Variants in CHIC1 observed in about 807,000 individuals in gnomAD.
CHIC1 encodes the protein cysteine rich hydrophobic domain 1, also known as cysteine-rich hydrophobic domain-containing protein 1.
A neutral mutation model predicts 18.5 loss-of-function variants in CHIC1; 7 were observed. The ratio of observed to expected loss-of-function variants is 0.38; its 90% CI spans 0.22 to 0.71. The LOEUF (loss-of-function observed/expected upper bound fraction) is 0.71. Among genes scored for constraint, CHIC1 ranks in the 30% least tolerant of loss-of-function variants. The probability of loss-of-function intolerance (pLI) is 0.49; values close to 1 mark genes in which losing one functional copy is unlikely to be tolerated. For missense variants in CHIC1, 159 were observed against 176.9 expected, an observed-to-expected ratio of 0.90 and a Z score of 0.57; for synonymous variants, 77 against 73.5, an observed-to-expected ratio of 1.05 and a Z score of -0.25.
chrX:73,589,933 C>T (rs776678213), intron 3 of CHIC1, among the ~76,000 whole-genome samples: 15 of 111,538 alleles, frequency 1.3e-4, no homozygotes, highest in Admixed American at 5.7e-4. Flanking sequence ...TGCCATCCCA[C>T]TGCCTCTGAC....
intron 3 of CHIC1, among the ~76,000 whole-genome samples, chrX:73,607,518 C>T (rs2057688600): frequency 9.3e-6 from 1 of 107,676 alleles, no homozygotes; most frequent in Admixed American, 9.8e-5. Context: ...ATTCCAGGAG[C>T]CACTGGGGTA....
chrX:73,678,030 C>G (rs190133816), intron 3 of CHIC1, among the ~76,000 whole-genome samples: 26 of 102,671 alleles, frequency 2.5e-4, no homozygotes, highest in African/African-American at 7.6e-4. Context: ...ATATCCACAT[C>G]TGCTATAATT....
In CHIC1 at chrX:73,573,227, C is replaced by T. The variant is rs192889602; in HGVS notation, c.297-4180C>T. Among the ~76,000 whole-genome samples the T allele has an allele frequency of 5.0e-4, 55 of 111,052 alleles. No individual in the cohort carries two copies. The East Asian group carries it at 1.0e-2, about 20-fold the overall frequency. ...GCCCTTCTCCATTACTCAGATTTGT[C>T]AGTTTTGTCAAAGATCAGATGGTAG... On this transcript the variant is annotated intron_variant, in intron 1 of 5. Coordinates refer to ENST00000373502, the MANE Select transcript of CHIC1 (RefSeq NM_001039840.4).
At chrX:73,644,292 C>A (rs1384400754) in intron 3 of CHIC1, among the ~76,000 whole-genome samples, 1 of 112,244 alleles carries the variant, frequency 8.9e-6, no homozygotes, top group Non-Finnish European at 1.9e-5. Context: ...CAGTCTGCCC[C>A]TACTGGGGGG....
chrX:73,675,422 G>C (rs1445416171), intron 3 of CHIC1, among the ~76,000 whole-genome samples: 1 of 111,640 alleles, frequency 9.0e-6, no homozygotes, highest in Non-Finnish European at 1.9e-5. Flanking sequence ...CTCCTGTATT[G>C]GATGCATATA....
intron 3 of CHIC1, among the ~76,000 whole-genome samples, chrX:73,641,359 A>C (rs12116323): frequency 0.048 from 5,234 of 109,995 alleles, 321 homozygotes; most frequent in African/African-American, 0.16. Flanking sequence ...TCCATTTGGT[A>C]ATGTTGAGTT....
chrX:73,656,249 T>C (rs1207185279), intron 3 of CHIC1, among the ~76,000 whole-genome samples: 1 of 111,793 alleles, frequency 8.9e-6, no homozygotes, highest in African/African-American at 3.3e-5. Flanking sequence ...ATTCTGTAGA[T>C]TTTTTGTTCA....
intron 3 of CHIC1, among the ~76,000 whole-genome samples, chrX:73,675,773 T>A (rs1042542016): frequency 7.6e-4 from 84 of 111,043 alleles, no homozygotes; most frequent in African/African-American, 2.7e-3. Context: ...ATCCTGTCGT[T>A]ATGATGTTAG....
In CHIC1 at chrX:73,658,957, A is replaced by G. The variant is rs1306589939; in HGVS notation, c.508-20369A>G. On this transcript the variant is annotated intron_variant, in intron 3 of 5. Transcript: ENST00000373502. Reference sequence around the variant, plus strand: ...AGGTTTTTTGCCTGGCCGTGTGGCTAGGGGACCAGGCCACCCACAGACACT... The same window carrying G: ...AGGTTTTTTGCCTGGCCGTGTGGCTGGGGGACCAGGCCACCCACAGACACT... Among the ~76,000 whole-genome samples the G allele has an allele frequency of 1.8e-4, 20 of 112,030 alleles. No individual in the cohort carries two copies. In the East Asian group the frequency reaches 5.6e-3, roughly 32 times the overall value.
chrX:73,606,816 GA>G (rs1033610959), intron 3 of CHIC1, among the ~76,000 whole-genome samples: 2 of 109,177 alleles, frequency 1.8e-5, no homozygotes, highest in African/African-American at 3.6e-5. Flanking sequence ...GGAGGCTGCA[GA>G]ATAGCAAAGA....
At chrX:73,630,867 C>T (rs1281163239) in intron 3 of CHIC1, among the ~76,000 whole-genome samples, 1 of 111,860 alleles carries the variant, frequency 8.9e-6, no homozygotes, top group Non-Finnish European at 1.9e-5. Context: ...CCATCTGATC[C>T]TGTGCTTTTC....
At chrX:73,634,875 C>T (rs1168203226) in intron 3 of CHIC1, among the ~76,000 whole-genome samples, 1 of 111,219 alleles carries the variant, frequency 9.0e-6, no homozygotes, top group Non-Finnish European at 1.9e-5. Context: ...TGGCATCAAG[C>T]TGTGCCATCT....
In CHIC1 at chrX:73,584,548, G is replaced by T. The variant is rs1424605397; in HGVS notation, c.483G>T (p.Trp161Cys). The change falls in exon 3 of 6, where the codon TGG (tryptophan) becomes TGT (cysteine). Residue 161 changes from tryptophan (W) to cysteine (C), a missense_variant. Physicochemically the swap from Trp to Cys is radical, Grantham distance 215. Coordinates refer to ENST00000373502, the MANE Select transcript of CHIC1 (RefSeq NM_001039840.4). ...CCCCTLGCSL[W>C]PVICLNKRTR... ...GTTGCACACTGGGTTGCAGCCTATGGCCTGTTATTTGTCTCAACAAAAGAG... is the reference window on the plus strand; with the variant it reads ...GTTGCACACTGGGTTGCAGCCTATGTCCTGTTATTTGTCTCAACAAAAGAG... The T allele has an allele frequency of 3.5e-6, 4 of 1,158,421 alleles. No homozygotes were observed. The highest frequency in any genetic ancestry group is 3.3e-5 in the East Asian group (1 of 30,661).
At chrX:73,646,388 T>C (rs889344832) in intron 3 of CHIC1, among the ~76,000 whole-genome samples, 6 of 112,506 alleles carry the variant, frequency 5.3e-5, no homozygotes, top group East Asian at 2.8e-4. Flanking sequence ...TTGCAATCTT[T>C]TGTGGTTCCA....
At chrX:73,600,165 A>ATT (rs1355043218) in intron 3 of CHIC1, among the ~76,000 whole-genome samples, 1 of 97,266 alleles carries the variant, frequency 1.0e-5, no homozygotes, top group East Asian at 3.1e-4. Flanking sequence ...AATGCTTGTG[A>ATT]TTTTTGTACA....
At chrX:73,568,959 A>AT (rs2057457517) in intron 1 of CHIC1, among the ~76,000 whole-genome samples, 1 of 111,714 alleles carries the variant, frequency 9.0e-6, no homozygotes, top group African/African-American at 3.2e-5. Flanking sequence ...TATAAGGTGA[A>AT]TTTTTTTAAG....
intron 3 of CHIC1, among the ~76,000 whole-genome samples, chrX:73,646,734 A>G (rs918135720): frequency 8.9e-6 from 1 of 112,380 alleles, no homozygotes; most frequent in Non-Finnish European, 1.9e-5. Flanking sequence ...GGAATCTGTC[A>G]GGTTTTCTAT....
At chrX:73,588,946 T>G (rs1447698813) in intron 3 of CHIC1, among the ~76,000 whole-genome samples, 1 of 110,391 alleles carries the variant, frequency 9.1e-6, no homozygotes, top group Non-Finnish European at 1.9e-5. Flanking sequence ...CTTTTTTTTC[T>G]TAATCCTTGT....
At chrX:73,591,683 T>C (rs1182297507) in intron 3 of CHIC1, among the ~76,000 whole-genome samples, 1 of 111,772 alleles carries the variant, frequency 8.9e-6, no homozygotes, top group Non-Finnish European at 1.9e-5. Context: ...TGTTATATTC[T>C]AGGAATTTTA....
Sources: allele counts gnomAD v4.1 joint callset (sites outside exome capture counted in the v4.1 genomes callset), GRCh38; gene constraint gnomAD v4.1.1; transcripts MANE v1.5; gene names NCBI Gene and HGNC (gene_info 2026-07-23, HGNC 2026-07-21).